AGBL4: variants seen among roughly 807,000 people sequenced by gnomAD.
The protein encoded by AGBL4 is AGBL carboxypeptidase 4.
In AGBL4, 58 loss-of-function variants were observed where a neutral mutation model predicts 66.4. The observed-to-expected ratio is 0.87, with a 90% CI of 0.71 to 1.09. The LOEUF (loss-of-function observed/expected upper bound fraction) is 1.09, where lower values mean the gene tolerates loss of function less well. Ranked by LOEUF, AGBL4 falls within the 50% of genes least tolerant of loss-of-function variation. The pLI, the probability that AGBL4 is intolerant of heterozygous loss-of-function variation, is 0.00. For synonymous variants in AGBL4, 234 were observed against 222.9 expected, an observed-to-expected ratio of 1.05 and a Z score of -0.44; for missense variants, 579 against 631.0, an observed-to-expected ratio of 0.92 and a Z score of 0.88.
chr1:49,292,083 A>G (rs1176359477), intron 3 of AGBL4, among the ~76,000 whole-genome samples: 1 of 152,162 alleles, frequency 6.6e-6, no homozygotes, highest in Non-Finnish European at 1.5e-5. Flanking sequence ...CCCTGCTGTC[A>G]GCACCCACTC....
chr1:48,853,601 C>T (rs1647079667), intron 6 of AGBL4, among the ~76,000 whole-genome samples: 1 of 152,174 alleles, frequency 6.6e-6, no homozygotes, highest in South Asian at 2.1e-4. Context: ...GCACTGAAAA[C>T]TTAATAGGCC....
intron 3 of AGBL4, among the ~76,000 whole-genome samples, chr1:49,559,496 C>T (rs539107309): frequency 9.9e-5 from 15 of 152,164 alleles, no homozygotes; most frequent in Non-Finnish European, 1.6e-4. Flanking sequence ...AGAAGATTAA[C>T]ATTTCAGTCA....
intron 5 of AGBL4, among the ~76,000 whole-genome samples, chr1:48,971,127 C>T (rs1658867272): frequency 6.6e-6 from 1 of 152,124 alleles, no homozygotes; most frequent in Non-Finnish European, 1.5e-5. Context: ...CAGCCTTGGA[C>T]AGGTACTGGG....
At chr1:49,030,472 G>C (rs1461337805) in intron 5 of AGBL4, among the ~76,000 whole-genome samples, 1 of 152,096 alleles carries the variant, frequency 6.6e-6, no homozygotes, top group Admixed American at 6.6e-5. Context: ...TCCCTGGTAT[G>C]TTAGGAACCA....
chr1:49,545,601 C>G (rs1290965642), intron 3 of AGBL4, among the ~76,000 whole-genome samples: 1 of 152,172 alleles, frequency 6.6e-6, no homozygotes, highest in African/African-American at 2.4e-5. Context: ...AATTTTAACT[C>G]TGATCTCTGT....
intron 3 of AGBL4, among the ~76,000 whole-genome samples, chr1:49,513,769 C>T (rs1274002837): frequency 1.3e-5 from 2 of 152,040 alleles, no homozygotes; most frequent in African/African-American, 4.8e-5. Flanking sequence ...ATTTCAATTG[C>T]TTTTCAACTT....
intron 3 of AGBL4, among the ~76,000 whole-genome samples, chr1:49,443,006 A>C (rs1469170033): frequency 6.6e-6 from 1 of 152,068 alleles, no homozygotes; most frequent in East Asian, 1.9e-4. Context: ...TTATGATTTT[A>C]ATTTGCATTT....
At chr1:49,454,102 A>C (rs534700001) in intron 3 of AGBL4, among the ~76,000 whole-genome samples, 3 of 151,940 alleles carry the variant, frequency 2.0e-5, no homozygotes, top group Admixed American at 6.6e-5. Context: ...TGGAGATGTG[A>C]AATTCAGGAG....
At chr1:49,511,129 C>A (rs1188566274) in intron 3 of AGBL4, among the ~76,000 whole-genome samples, 1 of 151,894 alleles carries the variant, frequency 6.6e-6, no homozygotes, top group East Asian at 1.9e-4. Context: ...GACTATAAAT[C>A]ATGCTGCTAT....
chr1:49,760,276 C>T (rs566904369), intron 2 of AGBL4, among the ~76,000 whole-genome samples: 1 of 152,132 alleles, frequency 6.6e-6, no homozygotes, highest in Non-Finnish European at 1.5e-5. Flanking sequence ...GTTTCTTTTG[C>T]TGTGCATAAG....
intron 6 of AGBL4, among the ~76,000 whole-genome samples, chr1:48,752,144 T>C (rs1038502250): frequency 6.6e-6 from 1 of 152,276 alleles, no homozygotes; most frequent in East Asian, 1.9e-4. Context: ...ACAAGGGAGA[T>C]GTAAACATCT....
At chr1:49,290,725 C>T (rs1644517412) in intron 3 of AGBL4, among the ~76,000 whole-genome samples, 1 of 152,174 alleles carries the variant, frequency 6.6e-6, no homozygotes, top group Admixed American at 6.5e-5. Flanking sequence ...GTACTCTGGC[C>T]TGGCATAGAT....
At chr1:49,015,454 G>T (rs1370697695) in intron 5 of AGBL4, among the ~76,000 whole-genome samples, 1 of 140,890 alleles carries the variant, frequency 7.1e-6, no homozygotes. Flanking sequence ...ATGGAGTCTC[G>T]CTGTGTCGCC....
chr1:49,257,941 G>T lies in AGBL4; in HGVS notation c.283-12077C>A, dbSNP rs369249290. Among the ~76,000 whole-genome samples, 5 of 152,148 alleles carry T rather than the reference G, an allele frequency of 3.3e-5. No individual in the cohort carries two copies. In the East Asian group the frequency reaches 7.7e-4, roughly 24 times the overall value. On this transcript the variant is annotated intron_variant, in intron 3 of 13. Transcript: ENST00000371839. The stretch of plus-strand genomic sequence containing the variant: ...TAGGGGCAGACTGACACCTCACACG[G>T]CTGGGTACTCCTCTGAGACAAAACT...
At chr1:49,377,026 T>C (rs1644485401) in intron 3 of AGBL4, among the ~76,000 whole-genome samples, 1 of 152,218 alleles carries the variant, frequency 6.6e-6, no homozygotes, top group African/African-American at 2.4e-5. Context: ...AGATAACTCA[T>C]ATATACTACT....
In AGBL4 at chr1:49,614,761, A is replaced by AT. The variant is rs1403564505; in HGVS notation, c.282+82551dup. Among the ~76,000 whole-genome samples, 3 of 152,122 alleles carry AT rather than the reference A, an allele frequency of 2.0e-5. No individual in the cohort carries two copies. In the East Asian group the frequency reaches 5.8e-4, roughly 29 times the overall value. The stretch of plus-strand genomic sequence containing the variant: ...AAGCATTTCCTGATCACTCTAGTTC[A>AT]TTAGTTACCATTCACTTGTGCTACT... On this transcript the variant is annotated intron_variant, in intron 3 of 13. Coordinates refer to ENST00000371839, the MANE Select transcript of AGBL4 (RefSeq NM_032785.4).
chr1:49,207,111 T>C (rs948088785), intron 4 of AGBL4, among the ~76,000 whole-genome samples: 9 of 152,044 alleles, frequency 5.9e-5, no homozygotes, highest in Non-Finnish European at 1.3e-4. Context: ...ATAGCTTTTT[T>C]AAAAAAAGAC....
chr1:49,205,762 T>C (rs1346172015), intron 4 of AGBL4, among the ~76,000 whole-genome samples: 3 of 152,152 alleles, frequency 2.0e-5, no homozygotes, highest in African/African-American at 7.2e-5. Context: ...TGTTGCATAA[T>C]GTTAATACAT....
chr1:49,373,652 A>G (rs1211787564), intron 3 of AGBL4, among the ~76,000 whole-genome samples: 1 of 152,154 alleles, frequency 6.6e-6, no homozygotes, highest in Non-Finnish European at 1.5e-5. Context: ...TTTATGGAGA[A>G]AAAAATTGAG....
Sources: allele counts gnomAD v4.1 joint callset (sites outside exome capture counted in the v4.1 genomes callset), GRCh38; gene constraint gnomAD v4.1.1; transcripts MANE v1.5; gene names NCBI Gene and HGNC (gene_info 2026-07-23, HGNC 2026-07-21).